The following MAP2 variants were observed in gnomAD, a reference collection of about 807,000 sequenced individuals.
MAP2 encodes microtubule-associated protein 2.
A neutral mutation model predicts 137.6 loss-of-function variants in MAP2; 14 were observed. The ratio of observed to expected loss-of-function variants is 0.10; its 90% confidence interval spans 0.07 to 0.16. MAP2 has a LOEUF of 0.16. Among genes scored for constraint, MAP2 ranks in the 10% least tolerant of loss-of-function variants. The pLI is 1.00. For missense variants in MAP2, 2,088 were observed against 2,191.5 expected (o/e 0.95, Z 0.94); for synonymous variants, 786 against 782.3 (o/e 1.00, Z -0.08).
intron 2 of MAP2, among the ~76,000 whole-genome samples, chr2:209,579,009 C>T (rs1444137753): frequency 1.3e-5 from 2 of 150,656 alleles, no homozygotes; most frequent in Non-Finnish European, 3.0e-5. Flanking sequence ...ATTGAATTTT[C>T]TGTAGGAAAA....
At chr2:209,581,301 A>G (rs934564030) in intron 3 of MAP2, among the ~76,000 whole-genome samples, 6 of 152,208 alleles carry the variant, frequency 3.9e-5, no homozygotes, top group African/African-American at 1.4e-4. Context: ...TCAGCCTTCT[A>G]GAGTGTAGGC....
At position 209,653,199 on chromosome 2, in the gene MAP2, A is replaced by G; in HGVS notation, c.29A>G (p.Lys10Arg). The stretch of plus-strand genomic sequence containing the variant: ...GCAGATGAACGGAAAGATGAAGCAA[A>G]GGCACCTCACTGGACCTCAGCACCG... MADERKDEA[K>R]APHWTSAPLT... The change falls in exon 5 of 16, where the codon AAG becomes AGG. Residue 10 changes from lysine to arginine, a missense_variant. By Grantham distance (26) the Lys-to-Arg change is conservative. Transcript: ENST00000682079. The G allele has an allele frequency of 6.2e-7, 1 of 1,604,612 alleles. No homozygotes were observed. The highest frequency in any genetic ancestry group is 1.1e-5 in the South Asian group (1 of 89,182).
At chr2:209,606,536 G>A (rs986273806) in intron 3 of MAP2, among the ~76,000 whole-genome samples, 3 of 150,540 alleles carry the variant, frequency 2.0e-5, no homozygotes, top group East Asian at 1.9e-4. Context: ...AAAAAAGGAG[G>A]GGGCATGGAA....
chr2:209,536,135 ATGTT>A (rs1458891791), intron 2 of MAP2, among the ~76,000 whole-genome samples: 1 of 152,210 alleles, frequency 6.6e-6, no homozygotes, highest in Non-Finnish European at 1.5e-5. Flanking sequence ...ATTTGTTTAA[ATGTT>A]TGTTAAATGT....
intron 2 of MAP2, among the ~76,000 whole-genome samples, chr2:209,543,333 C>T (rs1307640844): frequency 6.6e-6 from 1 of 152,000 alleles, no homozygotes; most frequent in African/African-American, 2.4e-5. Context: ...TCATAAATTG[C>T]CATAACAGAT....
intron 1 of MAP2, among the ~76,000 whole-genome samples, chr2:209,431,643 G>A (rs1694315113): frequency 6.6e-6 from 1 of 152,092 alleles, no homozygotes; most frequent in African/African-American, 2.4e-5. Flanking sequence ...GGGGAAGCAG[G>A]CCTGAGACTC....
chr2:209,662,003 T>G (rs2043865080), intron 5 of MAP2, among the ~76,000 whole-genome samples: 1 of 152,240 alleles, frequency 6.6e-6, no homozygotes, highest in Non-Finnish European at 1.5e-5. Context: ...CTTTGCTCTG[T>G]AGTCCAGTCT....
chr2:209,479,746 A>T (rs2149811366), intron 1 of MAP2, among the ~76,000 whole-genome samples: 1 of 152,288 alleles, frequency 6.6e-6, no homozygotes, highest in Middle Eastern at 3.4e-3. Flanking sequence ...TCCTGTGTTT[A>T]TTACCAAAAA....
intron 1 of MAP2, among the ~76,000 whole-genome samples, chr2:209,474,092 A>G (rs1393686865): frequency 6.6e-6 from 1 of 151,524 alleles, no homozygotes; most frequent in African/African-American, 2.4e-5. Flanking sequence ...GGCAAACTTT[A>G]GAAGTAGTAC....
Position 209,577,735 on chromosome 2 carries a change from A to G in MAP2, c.-171-2301A>G, listed in dbSNP as rs114697823. ...CGACTCAATTTGATTACCCAGTTTT[A>G]TGCTTGCAGAAATAATGAGGCCAGT... On this transcript the variant is annotated intron_variant, in intron 2 of 15. Transcript: ENST00000682079. 2.2e-3 allele frequency among the ~76,000 whole-genome samples: 336 copies of G among 152,278 alleles called. 1 individual carries two copies. The highest frequency in any genetic ancestry group is 7.4e-3 in the African/African-American group (306 of 41,560).
chr2:209,563,639 G>A (rs1235913842), intron 2 of MAP2, among the ~76,000 whole-genome samples: 1 of 152,142 alleles, frequency 6.6e-6, no homozygotes, highest in African/African-American at 2.4e-5. Flanking sequence ...TCCAAGCTCT[G>A]GAATCCAGTC....
At position 209,625,056 on chromosome 2, in the gene MAP2, G is replaced by T. The variant is rs968190376; in HGVS notation, c.-103G>T. The T allele has an allele frequency of 3.3e-5, 5 of 152,106 alleles. No individual in the cohort carries two copies. The South Asian group carries it at 1.0e-3, about 31-fold the overall frequency. 9.4% of individuals were successfully genotyped at this position (152,106 alleles called of 1,614,324 possible). ...TAATTTTCTATTTTTTTAACAGAAA[G>T]AAGCCAGAAAATATTATCAACCCTT... On this transcript the variant is annotated 5_prime_UTR_variant, in exon 4 of 16. Coordinates refer to ENST00000682079, the MANE Select transcript of MAP2 (RefSeq NM_001375505.1).
At chr2:209,592,804 T>G (rs1481113478) in intron 3 of MAP2, among the ~76,000 whole-genome samples, 1 of 152,188 alleles carries the variant, frequency 6.6e-6, no homozygotes, top group Non-Finnish European at 1.5e-5. Context: ...ATGATATCTT[T>G]TTAATTCAAA....
chr2:209,512,313 C>CA (rs1435327574), intron 2 of MAP2, among the ~76,000 whole-genome samples: 1 of 151,272 alleles, frequency 6.6e-6, no homozygotes, highest in Non-Finnish European at 1.5e-5. Context: ...CATTTTAATG[C>CA]AAAAAAAGAC....
At chr2:209,554,742 C>T (rs1035576869) in intron 2 of MAP2, among the ~76,000 whole-genome samples, 5 of 151,362 alleles carry the variant, frequency 3.3e-5, no homozygotes, top group South Asian at 2.1e-4. Context: ...GCAACAGAGA[C>T]TGTCTCAAAA....
chr2:209,440,751 T>C (rs1697561824), intron 1 of MAP2, among the ~76,000 whole-genome samples: 1 of 151,448 alleles, frequency 6.6e-6, no homozygotes, highest in Non-Finnish European at 1.5e-5. Flanking sequence ...CTATCCACAG[T>C]GAACACTTAC....
At chr2:209,645,511 G>A (rs1437419041) in intron 4 of MAP2, among the ~76,000 whole-genome samples, 3 of 152,010 alleles carry the variant, frequency 2.0e-5, no homozygotes, top group Middle Eastern at 3.4e-3. Flanking sequence ...GCTACAGTCT[G>A]TTAACCTGTA....
chr2:209,539,755 T>C (rs1025986253), intron 2 of MAP2, among the ~76,000 whole-genome samples: 2 of 152,018 alleles, frequency 1.3e-5, no homozygotes, highest in African/African-American at 4.8e-5. Flanking sequence ...AAATTTGTTG[T>C]TGACAAACTC....
At chr2:209,580,839 C>T (rs1299450210) in intron 3 of MAP2, among the ~76,000 whole-genome samples, 1 of 152,090 alleles carries the variant, frequency 6.6e-6, no homozygotes, top group African/African-American at 2.4e-5. Flanking sequence ...TGGATATTAC[C>T]TTTTCTTTAA....
Sources: gnomAD v4.1 joint callset for allele counts (sites outside exome capture counted in the v4.1 genomes callset) on GRCh38, gnomAD v4.1.1 for gene constraint, MANE v1.5 for transcripts, NCBI Gene and HGNC (gene_info 2026-07-23, HGNC 2026-07-21) for gene names.